Variants in OGDH observed in about 807,000 individuals in gnomAD.
OGDH encodes the protein oxoglutarate dehydrogenase.
In OGDH, 38 loss-of-function variants were observed where a neutral mutation model predicts 116.6. The ratio of observed to expected loss-of-function variants is 0.33; its 90% CI spans 0.25 to 0.43. The LOEUF (loss-of-function observed/expected upper bound fraction) is 0.43, where lower values mean the gene tolerates loss of function less well. Among genes scored for constraint, OGDH ranks in the 20% least tolerant of loss-of-function variants. The probability of loss-of-function intolerance (pLI) is 1.00; values close to 1 mark genes in which losing one functional copy is unlikely to be tolerated. For missense variants in OGDH, 825 were observed against 1,357.2 expected, an observed-to-expected ratio of 0.61 and a Z score of 6.16; for synonymous variants, 488 against 533.3, an observed-to-expected ratio of 0.92 and a Z score of 1.17.
rs1379909736 is a variant in OGDH, at chr7:44,624,514, T to C, written c.171T>C (p.Tyr57=). 1.2e-6 allele frequency: 2 copies of C among 1,613,962 alleles called. No individual in the cohort carries two copies. Among genetic ancestry groups the C allele is most frequent in the Non-Finnish European group, 1.7e-6 (2 of 1,179,998 alleles). ...EPFLSGTSSN[Y]VEEMYCAWLE... ...TTCTCAGTGGGACTAGTTCGAACTA[T>C]GTGGAGGAGATGTACTGTGCTTGGC... Residue 57 remains tyrosine (Y), a synonymous_variant, in exon 2 of 23, where the codon TAT becomes TAC. Coordinates refer to ENST00000222673, the MANE Select transcript of OGDH (RefSeq NM_002541.4).
chr7:44,707,425 C>T lies in OGDH; in HGVS notation c.2796+37C>T, dbSNP rs371727980. On this transcript the variant is annotated intron_variant, in intron 21 of 22. Coordinates refer to ENST00000222673, the MANE Select transcript of OGDH (RefSeq NM_002541.4). This position sits in a 1 kb window ranked among gnomAD's most constrained non-coding sequence, Gnocchi z 5.2. ...TGGTGCCATCAGGGTGTCCCCCCAGCGGGGGTCAGGGCTCTGGTGCCTTCA... is the reference window on the plus strand; with the variant it reads ...TGGTGCCATCAGGGTGTCCCCCCAGTGGGGGTCAGGGCTCTGGTGCCTTCA... The T allele has an allele frequency of 6.8e-6, 11 of 1,611,516 alleles. No individual in the cohort carries two copies. Among genetic ancestry groups the T allele is most frequent in the South Asian group, 3.3e-5 (3 of 90,826 alleles).
At chr7:44,664,992 A>T (rs538023660) in intron 4 of OGDH, among the ~76,000 whole-genome samples, 43 of 152,248 alleles carry the variant, frequency 2.8e-4, no homozygotes, top group Non-Finnish European at 5.4e-4. Flanking sequence ...CACTGGACCG[A>T]TATAGTTTCA....
intron 1 of OGDH, among the ~76,000 whole-genome samples, chr7:44,619,356 C>G (rs1414813086): frequency 6.6e-6 from 1 of 152,152 alleles, no homozygotes; most frequent in African/African-American, 2.4e-5. Context: ...AGCCCTTGAC[C>G]TGTGGTATCT....
intron 1 of OGDH, among the ~76,000 whole-genome samples, chr7:44,619,209 AGT>A (rs1399901856): frequency 1.3e-5 from 2 of 152,158 alleles, no homozygotes; most frequent in Non-Finnish European, 2.9e-5. Flanking sequence ...GATGTAAGTA[AGT>A]GTTTCCTGAA....
In OGDH at chr7:44,624,513, A is replaced by T. The variant is rs1478759449; in HGVS notation, c.170A>T (p.Tyr57Phe). The T allele has an allele frequency of 1.9e-6, 3 of 1,613,860 alleles. No homozygotes were observed. The highest frequency in any genetic ancestry group is 2.5e-6 in the Non-Finnish European group (3 of 1,179,962). Residue 57 changes from tyrosine to phenylalanine, a missense_variant, in exon 2 of 23, where the codon TAT becomes TTT. Around this residue, in one of 7 missense-constraint regions of OGDH, gnomAD observed 126 missense variants for 130.4 expected, o/e 0.97. Transcript: ENST00000222673. ...TTTCTCAGTGGGACTAGTTCGAACT[A>T]TGTGGAGGAGATGTACTGTGCTTGG... The part of the protein sequence containing the change: ...EPFLSGTSSN[Y>F]VEEMYCAWLE...
chr7:44,635,115 C>G (rs955362536), intron 2 of OGDH, among the ~76,000 whole-genome samples: 2 of 152,112 alleles, frequency 1.3e-5, no homozygotes, highest in Non-Finnish European at 2.9e-5. Flanking sequence ...AGTTGTTGGT[C>G]TACACTGAGG....
intron 5 of OGDH, among the ~76,000 whole-genome samples, chr7:44,670,835 C>T (rs1787405815): frequency 6.6e-6 from 1 of 151,500 alleles, no homozygotes; most frequent in African/African-American, 2.4e-5. Context: ...ACAGTGAAAC[C>T]CCGTCTCTAC....
chr7:44,698,261 C>G lies in OGDH; in HGVS notation c.2428C>G (p.Pro810Ala). The change falls in exon 18 of 23, where the codon CCA becomes GCA. Residue 810 changes from proline (P) to alanine (A), a missense_variant and splice_region_variant. Physicochemically the swap from Pro to Ala is conservative, Grantham distance 27. Around this residue, in one of 7 missense-constraint regions of OGDH, gnomAD observed 212 missense variants for 284.3 expected, o/e 0.75. Coordinates refer to ENST00000222673, the MANE Select transcript of OGDH (RefSeq NM_002541.4). ...QMCNDDPDVL[P>A]DLKEANFDIN... is the part of the protein sequence containing the mutation. Reference sequence around the variant, plus strand: ...GTGCAACGATGACCCAGATGTCCTGCCAGTGAGTAATACAGGCCCTGTCAG... The same window carrying G: ...GTGCAACGATGACCCAGATGTCCTGGCAGTGAGTAATACAGGCCCTGTCAG... 6.2e-7 allele frequency: 1 copy of G among 1,613,982 alleles called. No homozygotes were observed. The highest frequency in any genetic ancestry group is 1.7e-5 in the Admixed American group (1 of 60,002).
At chr7:44,667,202 C>T (rs77193539) in intron 5 of OGDH, among the ~76,000 whole-genome samples, 7,631 of 152,128 alleles carry the variant, frequency 0.05, 618 homozygotes, top group African/African-American at 0.17. Flanking sequence ...CCTCCTACCT[C>T]GGCCTCTCGA....
chr7:44,707,423 A>AG lies in OGDH; in HGVS notation c.2796+36dup, dbSNP rs1168717313. 6.2e-7 allele frequency: 1 copy of AG among 1,612,024 alleles called. No homozygotes were observed. The highest frequency in any genetic ancestry group is 8.5e-7 in the Non-Finnish European group (1 of 1,178,834). On this transcript the variant is annotated intron_variant, in intron 21 of 22. Transcript: ENST00000222673. The surrounding 1 kb of genome is among the most constrained non-coding windows in gnomAD (Gnocchi z 5.2). Reference sequence around the variant, plus strand: ...GGTGGTGCCATCAGGGTGTCCCCCCAGCGGGGGTCAGGGCTCTGGTGCCTT... The same window carrying AG: ...GGTGGTGCCATCAGGGTGTCCCCCCAGGCGGGGGTCAGGGCTCTGGTGCCTT...
At chr7:44,674,338 C>T (rs1787597864) in intron 6 of OGDH, 73 bp from the exon 7 acceptor site, 2 of 1,588,320 alleles carry the variant, frequency 1.3e-6, no homozygotes, top group African/African-American at 2.7e-5. Context: ...AGCCTCCATG[C>T]CTGGCCAGAA....
intron 20 of OGDH, among the ~76,000 whole-genome samples, chr7:44,705,559 G>T (rs1789035194): frequency 6.6e-6 from 1 of 151,824 alleles, no homozygotes; most frequent in Non-Finnish European, 1.5e-5. Context: ...TTTTGTTTGT[G>T]TTTTTTTGAG....
At position 44,666,840 on chromosome 7, in the gene OGDH, C is replaced by T. The variant is rs557597843; in HGVS notation, c.622C>T (p.Arg208Cys). 2.2e-5 allele frequency: 36 copies of T among 1,608,060 alleles called. No homozygotes were observed. The East Asian group carries it at 3.6e-4, about 16-fold the overall frequency. Reference protein sequence around the residue: ...ESALPLREIIRRLEMAYCQHI... With the variant: ...ESALPLREIICRLEMAYCQHI... ...AGCACTTCCTCTGCGGGAGATCATC[C>T]GTCGGCTGGAGGTAAGAGCAGTTTC... Residue 208 changes from arginine to cysteine, a missense_variant, in exon 5 of 23, where the codon CGT (arginine) becomes TGT (cysteine). Arg to Cys is a radical substitution (Grantham distance 180, BLOSUM62 -3). This residue lies in a region of OGDH where 171 missense variants were observed against 276.8 expected (regional missense o/e 0.62). Coordinates refer to ENST00000222673, the MANE Select transcript of OGDH (RefSeq NM_002541.4).
At chr7:44,655,315 T>C (rs1376517733) in intron 4 of OGDH, among the ~76,000 whole-genome samples, 1 of 152,224 alleles carries the variant, frequency 6.6e-6, no homozygotes, top group Non-Finnish European at 1.5e-5. Flanking sequence ...CATTTAGATA[T>C]TCTGTTGTCT....
chr7:44,692,463 A>G (rs1788404780), intron 10 of OGDH, among the ~76,000 whole-genome samples: 1 of 152,240 alleles, frequency 6.6e-6, no homozygotes, highest in African/African-American at 2.4e-5. Flanking sequence ...AAGTACAAAT[A>G]GCAACTTGTG....
intron 18 of OGDH, 126 bp from the exon 19 acceptor site, chr7:44,700,015 G>T: frequency 9.5e-7 from 1 of 1,049,572 alleles, no homozygotes. Context: ...AGCAGTGGGA[G>T]ATTACAATTC....
At chr7:44,651,257 A>T (rs1786428467) in intron 4 of OGDH, among the ~76,000 whole-genome samples, 1 of 152,198 alleles carries the variant, frequency 6.6e-6, no homozygotes, top group South Asian at 2.1e-4. Flanking sequence ...TATAGTTTCC[A>T]CTGAGTTGAC....
intron 5 of OGDH, among the ~76,000 whole-genome samples, chr7:44,672,079 AAATT>A (rs1258693809): frequency 6.6e-6 from 1 of 151,790 alleles, no homozygotes; most frequent in Middle Eastern, 3.2e-3. Context: ...AAAAATAAAT[AAATT>A]AATTAATTAA....
At chr7:44,619,125 T>C (rs187621103) in intron 1 of OGDH, among the ~76,000 whole-genome samples, 3 of 152,280 alleles carry the variant, frequency 2.0e-5, no homozygotes, top group Admixed American at 2.0e-4. Flanking sequence ...GGAAGCCTCC[T>C]TACCCCATCC....
Sources: gnomAD v4.1 joint callset for allele counts (sites outside exome capture counted in the v4.1 genomes callset) on GRCh38, gnomAD v4.1.1 for gene constraint, gnomAD v4.1.1 regional missense constraint, Gnocchi (gnomAD v3.1) non-coding constraint, MANE v1.5 for transcripts, NCBI Gene and HGNC (gene_info 2026-07-23, HGNC 2026-07-21) for gene names.